The following SUPT3H variants were observed in gnomAD, a reference collection of about 807,000 sequenced individuals.
SUPT3H encodes transcription initiation protein SPT3 homolog.
A neutral mutation model predicts 44.3 loss-of-function variants in SUPT3H; 44 were observed. That is an observed-to-expected ratio of 0.99 (90% CI 0.78 to 1.28). The LOEUF is 1.28. SUPT3H is among the 50% of genes most tolerant of loss of function. The probability of loss-of-function intolerance (pLI) is 0.00; values close to 1 mark genes in which losing one functional copy is unlikely to be tolerated. For missense variants in SUPT3H, 380 were observed against 387.1 expected, an observed-to-expected ratio of 0.98 and a Z score of 0.15; for synonymous variants, 124 against 125.6, an observed-to-expected ratio of 0.99 and a Z score of 0.09.
Position 45,230,686 on chromosome 6 carries a change from A to ATTTTT in SUPT3H, c.102-124685_102-124681dup, listed in dbSNP as rs1554294714. Among the ~76,000 whole-genome samples the ATTTTT allele has an allele frequency of 2.7e-3, 313 of 116,814 alleles. 13 individuals carry two copies. Among genetic ancestry groups the ATTTTT allele is most frequent in the African/African-American group, 9.2e-3 (293 of 31,834 alleles). 76.6% of individuals were successfully genotyped at this position (116,814 alleles called of 152,430 possible). A position where few individuals can be genotyped will look rare whatever the true frequency, so the allele number is the denominator to read the frequency against. Reference sequence around the variant, plus strand: ...TCTATATATATATATATATATATATATTTTTGAGATGGAGTCTTGCTCTAT... The same window carrying ATTTTT: ...TCTATATATATATATATATATATATATTTTTTTTTTGAGATGGAGTCTTGCTCTAT... On this transcript the variant is annotated intron_variant, in intron 2 of 10. Coordinates refer to ENST00000371459, the MANE Select transcript of SUPT3H (RefSeq NM_003599.4).
At chr6:44,906,218 A>G (rs1766045510) in intron 10 of SUPT3H, among the ~76,000 whole-genome samples, 1 of 152,198 alleles carries the variant, frequency 6.6e-6, no homozygotes, top group South Asian at 2.1e-4. Flanking sequence ...CCATAACAAA[A>G]GCCATTATGC....
At chr6:45,332,238 C>A (rs185847941) in intron 2 of SUPT3H, among the ~76,000 whole-genome samples, 191 of 151,536 alleles carry the variant, frequency 1.3e-3, no homozygotes, top group Middle Eastern at 3.4e-3. Context: ...AGAGGGCTTT[C>A]CCCCTCCCCC....
chr6:44,910,991 T>C (rs1222104424), intron 10 of SUPT3H, among the ~76,000 whole-genome samples: 1 of 43,580 alleles, frequency 2.3e-5, no homozygotes, highest in Non-Finnish European at 4.0e-5. Context: ...TGAGACTCCA[T>C]CTCAAAAAAA....
intron 2 of SUPT3H, among the ~76,000 whole-genome samples, chr6:45,166,738 TGAA>T (rs1809942651): frequency 6.6e-6 from 1 of 151,934 alleles, no homozygotes; most frequent in Non-Finnish European, 1.5e-5. Context: ...ACTTCAAAAA[TGAA>T]GATATCTGAA....
intron 6 of SUPT3H, among the ~76,000 whole-genome samples, chr6:44,996,221 C>T (rs1781250916): frequency 6.6e-6 from 1 of 151,788 alleles, no homozygotes; most frequent in Non-Finnish European, 1.5e-5. Flanking sequence ...TGTGTTACCA[C>T]TCCCATCTTA....
At chr6:45,128,553 TATATACACACACACAC>T (rs1199286177) in intron 2 of SUPT3H, among the ~76,000 whole-genome samples, 2 of 64,434 alleles carry the variant, frequency 3.1e-5, no homozygotes, top group African/African-American at 1.6e-4. Flanking sequence ...TATATATATA[TATATACACACACACAC>T]ACACACACAC....
At chr6:44,887,197 T>A (rs1423204831) in intron 10 of SUPT3H, among the ~76,000 whole-genome samples, 1 of 152,078 alleles carries the variant, frequency 6.6e-6, no homozygotes, top group Admixed American at 6.6e-5. Context: ...CTGTCAACAT[T>A]AGACACATCA....
chr6:45,264,556 G>C (rs1774944141), intron 2 of SUPT3H, among the ~76,000 whole-genome samples: 1 of 152,070 alleles, frequency 6.6e-6, no homozygotes, highest in Admixed American at 6.6e-5. Context: ...AAGATTTAAT[G>C]AACATTGGTT....
intron 10 of SUPT3H, among the ~76,000 whole-genome samples, chr6:44,886,714 G>A (rs1374918117): frequency 1.3e-5 from 2 of 152,014 alleles, no homozygotes; most frequent in Admixed American, 1.3e-4. Flanking sequence ...ATCAACTAAC[G>A]AGCAAAATCA....
At chr6:44,962,695 G>T (rs370764672) in intron 6 of SUPT3H, among the ~76,000 whole-genome samples, 82 of 152,090 alleles carry the variant, frequency 5.4e-4, no homozygotes, top group East Asian at 1.7e-3. Context: ...TTTTGAAATA[G>T]AAATTATTCT....
At chr6:44,895,989 A>G (rs1764070665) in intron 10 of SUPT3H, among the ~76,000 whole-genome samples, 1 of 152,000 alleles carries the variant, frequency 6.6e-6, no homozygotes, top group South Asian at 2.1e-4. Flanking sequence ...CTTTTGAAGG[A>G]GGGATTGTAT....
chr6:45,001,590 A>G (rs1782014284), intron 6 of SUPT3H, among the ~76,000 whole-genome samples: 1 of 152,118 alleles, frequency 6.6e-6, no homozygotes, highest in Non-Finnish European at 1.5e-5. Context: ...CAATGTTTTG[A>G]GAAGAAGCTA....
chr6:44,951,599 A>C (rs1774324390), intron 9 of SUPT3H, among the ~76,000 whole-genome samples: 1 of 152,102 alleles, frequency 6.6e-6, no homozygotes, highest in African/African-American at 2.4e-5. Context: ...GCTCTCTGAC[A>C]CTCATGCTCC....
chr6:45,241,497 T>C (rs1391747058), intron 2 of SUPT3H, among the ~76,000 whole-genome samples: 2 of 152,222 alleles, frequency 1.3e-5, no homozygotes, highest in Non-Finnish European at 2.9e-5. Flanking sequence ...CCGTAAGGAA[T>C]ACTTTTAATC....
At chr6:44,832,148 G>A (rs1368557333) in intron 10 of SUPT3H, among the ~76,000 whole-genome samples, 3 of 146,758 alleles carry the variant, frequency 2.0e-5, no homozygotes, top group Admixed American at 7.3e-5. Context: ...TTATGGGAAC[G>A]TCCCAACTTT....
At chr6:44,866,449 C>G (rs951736542) in intron 10 of SUPT3H, among the ~76,000 whole-genome samples, 1 of 151,472 alleles carries the variant, frequency 6.6e-6, no homozygotes, top group African/African-American at 2.4e-5. Flanking sequence ...TGAGATCCAT[C>G]TCTTAGGTAA....
At chr6:45,301,286 A>G (rs998166858) in intron 2 of SUPT3H, among the ~76,000 whole-genome samples, 6 of 152,264 alleles carry the variant, frequency 3.9e-5, no homozygotes, top group African/African-American at 7.2e-5. Flanking sequence ...GGAAACACAG[A>G]GCAGGTACAA....
intron 2 of SUPT3H, among the ~76,000 whole-genome samples, chr6:45,263,917 A>T (rs1584562664): frequency 6.6e-6 from 1 of 152,184 alleles, no homozygotes; most frequent in South Asian, 2.1e-4. Context: ...TAGGAAAATT[A>T]TGTTACCTGA....
At chr6:45,094,370 C>A (rs1289506024) in intron 3 of SUPT3H, among the ~76,000 whole-genome samples, 4 of 152,008 alleles carry the variant, frequency 2.6e-5, no homozygotes, top group African/African-American at 9.7e-5. Flanking sequence ...TATATCTATG[C>A]TAAGAAAACC....
Sources: allele counts gnomAD v4.1 joint callset (sites outside exome capture counted in the v4.1 genomes callset), GRCh38; gene constraint gnomAD v4.1.1; transcripts MANE v1.5; gene names NCBI Gene and HGNC (gene_info 2026-07-23, HGNC 2026-07-21).